HSD17B12: variants seen among roughly 807,000 people sequenced by gnomAD.
HSD17B12 encodes very-long-chain 3-oxoacyl-CoA reductase.
A neutral mutation model predicts 39.3 loss-of-function variants in HSD17B12; 32 were observed. The observed-to-expected ratio is 0.81, with a 90% CI of 0.61 to 1.09. The LOEUF is 1.09. HSD17B12 is among the 50% of genes least tolerant of loss of function. HSD17B12 has a pLI of 0.00. For missense variants in HSD17B12, 342 were observed against 382.9 expected (o/e 0.89, Z 0.89); for synonymous variants, 150 against 146.7 (o/e 1.02, Z -0.16).
chr11:43,761,356 T>C (rs566260221), intron 3 of HSD17B12, among the ~76,000 whole-genome samples: 42 of 152,354 alleles, frequency 2.8e-4, no homozygotes, highest in Admixed American at 9.8e-4. Flanking sequence ...ATTGCTTTGA[T>C]TAGTTTTACA....
intron 1 of HSD17B12, among the ~76,000 whole-genome samples, chr11:43,688,574 C>G (rs145890780): frequency 1.0e-3 from 156 of 152,310 alleles, no homozygotes; most frequent in Non-Finnish European, 1.8e-3. Flanking sequence ...TATCCAGTTT[C>G]TGGAAAGTTA....
rs1482262981 is a variant in HSD17B12, at chr11:43,831,281, A to G, written c.536+271A>G. The G allele has an allele frequency of 4.0e-6, 1 of 249,888 alleles. No homozygotes were observed. The highest frequency in any genetic ancestry group is 2.2e-5 in the African/African-American group (1 of 44,770). 15.5% of individuals were successfully genotyped at this position (249,888 alleles called of 1,614,324 possible). Reference sequence around the variant, plus strand: ...AAAGCCTGCCTGAGTCACCATCACTAACTCAATTGCCTACTATTCTGAGGG... The same window carrying G: ...AAAGCCTGCCTGAGTCACCATCACTGACTCAATTGCCTACTATTCTGAGGG... On this transcript the variant is annotated intron_variant, in intron 7 of 10. Coordinates refer to ENST00000278353, the MANE Select transcript of HSD17B12 (RefSeq NM_016142.3). This position sits in a 1 kb window ranked among gnomAD's most constrained non-coding sequence, Gnocchi z 4.1.
intron 1 of HSD17B12, among the ~76,000 whole-genome samples, chr11:43,731,176 T>C (rs747893551): frequency 2.2e-4 from 33 of 152,178 alleles, no homozygotes; most frequent in Middle Eastern, 3.2e-3. Flanking sequence ...TTTGTATTTT[T>C]AGTTGAGACG....
chr11:43,560,588 C>G, the HSD17B12 span, among the ~76,000 whole-genome samples: 5 of 152,272 alleles, frequency 3.3e-5, no homozygotes, highest in South Asian at 2.1e-4. Flanking sequence ...CTACTTGCCC[C>G]GAGTCTCACT....
chr11:43,717,844 G>A (rs551234249), intron 1 of HSD17B12, among the ~76,000 whole-genome samples: 10 of 140,484 alleles, frequency 7.1e-5, no homozygotes, highest in African/African-American at 2.7e-4. Context: ...TGGCTCTGTC[G>A]CCCAGGCTGG....
At chr11:43,796,826 T>C (rs1308128126) in intron 3 of HSD17B12, among the ~76,000 whole-genome samples, 1 of 131,558 alleles carries the variant, frequency 7.6e-6, no homozygotes, top group Non-Finnish European at 1.6e-5. Flanking sequence ...AAGGTATTTT[T>C]AAGCTTTTGT....
At chr11:43,718,713 C>G in intron 1 of HSD17B12, 2 of 1,158,758 alleles carry the variant, frequency 1.7e-6, no homozygotes, top group Non-Finnish European at 2.5e-6. Context: ...CCTGCCCCTC[C>G]TAAAGCTGAA....
Position 43,838,418 on chromosome 11 carries a change from A to G in HSD17B12, c.618+20A>G, listed in dbSNP as rs781250649. Reference sequence around the variant, plus strand: ...ACCAAGGTAAAAAATATTTTCTTAAATCATGTCAATATAGTAATAAGGGGT... The same window carrying G: ...ACCAAGGTAAAAAATATTTTCTTAAGTCATGTCAATATAGTAATAAGGGGT... On this transcript the variant is annotated intron_variant, in intron 8 of 10. Transcript: ENST00000278353. 6.5e-6 allele frequency: 10 copies of G among 1,548,430 alleles called. No homozygotes were observed. The highest frequency in any genetic ancestry group is 1.1e-5 in the South Asian group (1 of 89,722).
intron 3 of HSD17B12, among the ~76,000 whole-genome samples, chr11:43,796,071 A>G (rs1474948506): frequency 6.6e-6 from 1 of 152,166 alleles, no homozygotes; most frequent in African/African-American, 2.4e-5. Flanking sequence ...AACATTCTGT[A>G]TCTAAACAAC....
chr11:43,667,903 A>C, the HSD17B12 span, among the ~76,000 whole-genome samples: 2 of 152,182 alleles, frequency 1.3e-5, no homozygotes, highest in African/African-American at 4.8e-5. Flanking sequence ...TAAGACAAAC[A>C]GGTCTTTATG....
chr11:43,642,086 C>T, the HSD17B12 span, among the ~76,000 whole-genome samples: 6 of 151,358 alleles, frequency 4.0e-5, no homozygotes, highest in African/African-American at 9.7e-5. Context: ...AATACTGTTA[C>T]GTATAAATAT....
In HSD17B12 at chr11:43,680,851, CG is replaced by C. The variant is rs1949736158; in HGVS notation, c.26del (p.Gly9AlafsTer14). On this transcript the variant is annotated frameshift_variant, in exon 1 of 11. Coordinates refer to ENST00000278353, the MANE Select transcript of HSD17B12 (RefSeq NM_016142.3). LOFTEE classifies it high-confidence loss of function. MESALPAA[G>X]FLYWVGAGTV... is the part of the protein sequence containing the mutation. ...CCATGGAGAGCGCTCTCCCCGCCGC[CG>C]GCTTCCTGTACTGGGTCGGCGCGGG... The C allele has an allele frequency of 6.2e-7, 1 of 1,614,024 alleles. No individual in the cohort carries two copies. Among genetic ancestry groups the C allele is most frequent in the African/African-American group, 1.3e-5 (1 of 74,926 alleles).
the HSD17B12 span, among the ~76,000 whole-genome samples, chr11:43,597,835 A>G: frequency 3.3e-5 from 5 of 151,998 alleles, no homozygotes; most frequent in Admixed American, 6.6e-5. Context: ...GGGTTTCACT[A>G]TGTTGGCCAG....
chr11:43,788,922 C>T (rs1950842149), intron 3 of HSD17B12, among the ~76,000 whole-genome samples: 1 of 152,156 alleles, frequency 6.6e-6, no homozygotes, highest in Non-Finnish European at 1.5e-5. Context: ...GGGGGCCCCA[C>T]ATTTTTATTT....
chr11:43,738,578 T>A (rs948116714), intron 1 of HSD17B12, among the ~76,000 whole-genome samples: 2 of 152,192 alleles, frequency 1.3e-5, no homozygotes, highest in Admixed American at 1.3e-4. Context: ...GGTTGTGTAA[T>A]TATTTCTAAA....
the HSD17B12 span, chr11:43,640,815 T>A: frequency 6.6e-6 from 1 of 151,996 alleles, no homozygotes; most frequent in African/African-American, 2.4e-5. Context: ...ATTGCAGCAT[T>A]AATTTAATTT....
intron 9 of HSD17B12, 133 bp downstream of exon 9, chr11:43,840,197 C>A: frequency 1.5e-6 from 1 of 673,318 alleles, no homozygotes; most frequent in Non-Finnish European, 2.5e-6. Flanking sequence ...CCATTAAAAA[C>A]GTGGTTTCTT....
At chr11:43,824,515 C>T (rs777676137) in intron 6 of HSD17B12, among the ~76,000 whole-genome samples, 3 of 152,196 alleles carry the variant, frequency 2.0e-5, no homozygotes, top group Non-Finnish European at 4.4e-5. Context: ...CCCCATTCTT[C>T]ATAGATGGAG....
the HSD17B12 span, among the ~76,000 whole-genome samples, chr11:43,586,088 T>G: frequency 6.6e-6 from 1 of 152,124 alleles, no homozygotes; most frequent in African/African-American, 2.4e-5. Context: ...TTGTTTACTG[T>G]GTTCTCTGGG....
Sources: allele counts gnomAD v4.1 joint callset (sites outside exome capture counted in the v4.1 genomes callset), GRCh38; gene constraint gnomAD v4.1.1; non-coding constraint Gnocchi (gnomAD v3.1); transcripts MANE v1.5; gene names NCBI Gene and HGNC (gene_info 2026-07-23, HGNC 2026-07-21).